Variants in DOCK4 observed in about 807,000 individuals in gnomAD.
DOCK4 encodes the protein dedicator of cytokinesis protein 4.
A neutral mutation model predicts 268.1 loss-of-function variants in DOCK4; 97 were observed. The ratio of observed to expected loss-of-function variants is 0.36; its 90% CI spans 0.31 to 0.43. The LOEUF (loss-of-function observed/expected upper bound fraction) is 0.43. Ranked by LOEUF, DOCK4 falls within the 20% of genes least tolerant of loss-of-function variation. DOCK4 has a pLI of 1.00. For synonymous variants in DOCK4, 954 were observed against 887.2 expected, an observed-to-expected ratio of 1.08 and a Z score of -1.34; for missense variants, 2,145 against 2,455.7, an observed-to-expected ratio of 0.87 and a Z score of 2.67.
chr7:112,028,884 G>A (rs1234799956), intron 1 of DOCK4, among the ~76,000 whole-genome samples: 1 of 152,078 alleles, frequency 6.6e-6, no homozygotes, highest in Non-Finnish European at 1.5e-5. Flanking sequence ...CTGCTCACAT[G>A]GTCCTGATTA....
chr7:112,188,587 C>G (rs1204251212), intron 1 of DOCK4, among the ~76,000 whole-genome samples: 1 of 152,212 alleles, frequency 6.6e-6, no homozygotes, highest in Non-Finnish European at 1.5e-5. Flanking sequence ...GCATACGTGT[C>G]TGGAACACGC....
At chr7:112,191,954 T>C (rs1043221683) in intron 1 of DOCK4, among the ~76,000 whole-genome samples, 12 of 148,352 alleles carry the variant, frequency 8.1e-5, no homozygotes, top group African/African-American at 2.7e-4. Flanking sequence ...TATATACTTA[T>C]ATAATATATA....
intron 1 of DOCK4, among the ~76,000 whole-genome samples, chr7:112,164,433 A>G (rs1032870926): frequency 5.9e-5 from 9 of 152,228 alleles, no homozygotes; most frequent in Non-Finnish European, 1.2e-4. Flanking sequence ...TAAAGTACAC[A>G]TTTTATAAAC....
chr7:112,004,508 A>G (rs1310427030), intron 1 of DOCK4, among the ~76,000 whole-genome samples: 1 of 152,136 alleles, frequency 6.6e-6, no homozygotes, highest in Admixed American at 6.6e-5. Flanking sequence ...GTTAATAAAT[A>G]TGTGTTCAAT....
intron 30 of DOCK4, among the ~76,000 whole-genome samples, chr7:111,802,734 A>C (rs1563525818): frequency 6.6e-6 from 1 of 152,194 alleles, no homozygotes; most frequent in Non-Finnish European, 1.5e-5. Flanking sequence ...TTTTCTTCAA[A>C]TTTCTTTTTA....
At chr7:112,131,935 G>C (rs561154699) in intron 1 of DOCK4, among the ~76,000 whole-genome samples, 66 of 152,214 alleles carry the variant, frequency 4.3e-4, no homozygotes, top group African/African-American at 1.5e-3. Flanking sequence ...AAATATGCAG[G>C]GTCTGGAGGC....
At chr7:111,891,068 T>C (rs1020509482) in intron 16 of DOCK4, among the ~76,000 whole-genome samples, 17 of 152,226 alleles carry the variant, frequency 1.1e-4, no homozygotes, top group African/African-American at 4.1e-4. Context: ...ACCATAAACA[T>C]TACTGTCAAG....
intron 27 of DOCK4, chr7:111,821,020 A>G (rs1156936843): frequency 6.7e-6 from 1 of 148,878 alleles, no homozygotes; most frequent in African/African-American, 2.6e-5. Context: ...AATTCTAAAG[A>G]GAGCTATTTC....
intron 43 of DOCK4, among the ~76,000 whole-genome samples, chr7:111,746,970 G>T (rs1203191560): frequency 6.6e-6 from 1 of 151,988 alleles, no homozygotes; most frequent in African/African-American, 2.4e-5. Flanking sequence ...TTTGCTTAGA[G>T]AAATTATTTT....
At chr7:111,815,610 A>C (rs1313285921) in intron 27 of DOCK4, among the ~76,000 whole-genome samples, 1 of 149,518 alleles carries the variant, frequency 6.7e-6, no homozygotes, top group Non-Finnish European at 1.5e-5. Context: ...TCATTTATTT[A>C]TTTCCTTCCT....
chr7:111,796,320 G>A (rs1799891939), intron 30 of DOCK4, among the ~76,000 whole-genome samples: 1 of 152,162 alleles, frequency 6.6e-6, no homozygotes. Context: ...AAGTCATGCA[G>A]TCCTTTCCTC....
At chr7:112,183,378 C>G (rs1037260594) in intron 1 of DOCK4, among the ~76,000 whole-genome samples, 1 of 152,090 alleles carries the variant, frequency 6.6e-6, no homozygotes, top group African/African-American at 2.4e-5. Flanking sequence ...ACTGAAAGGG[C>G]AAAAGAAATT....
chr7:111,904,830 C>T (rs993567716), intron 13 of DOCK4, among the ~76,000 whole-genome samples: 1 of 152,128 alleles, frequency 6.6e-6, no homozygotes, highest in East Asian at 1.9e-4. Flanking sequence ...AGAGACAACA[C>T]TACTTTGTTA....
At chr7:111,892,693 G>C (rs1808393908) in intron 16 of DOCK4, among the ~76,000 whole-genome samples, 1 of 152,136 alleles carries the variant, frequency 6.6e-6, no homozygotes, top group African/African-American at 2.4e-5. Context: ...CTGAATTCAA[G>C]GCCGCACAAT....
intron 1 of DOCK4, among the ~76,000 whole-genome samples, chr7:112,185,976 T>A (rs1209574937): frequency 6.6e-6 from 1 of 152,212 alleles, no homozygotes; most frequent in Non-Finnish European, 1.5e-5. Flanking sequence ...GCCCCTGCCT[T>A]CTGGAAGCAC....
At chr7:111,816,939 T>C (rs1361335090) in intron 27 of DOCK4, among the ~76,000 whole-genome samples, 1 of 152,170 alleles carries the variant, frequency 6.6e-6, no homozygotes, top group African/African-American at 2.4e-5. Flanking sequence ...TTTCAGTCAA[T>C]GGGGCACGCA....
At chr7:111,914,162 T>G (rs1301396374) in intron 13 of DOCK4, among the ~76,000 whole-genome samples, 1 of 152,142 alleles carries the variant, frequency 6.6e-6, no homozygotes, top group Non-Finnish European at 1.5e-5. Context: ...TTACAGCGTG[T>G]CTCTGCCTGT....
intron 12 of DOCK4, among the ~76,000 whole-genome samples, chr7:111,933,595 G>A (rs961978175): frequency 5.3e-5 from 8 of 151,858 alleles, no homozygotes; most frequent in Admixed American, 4.6e-4. Flanking sequence ...GCACCCAGCC[G>A]AGAATTGTAA....
chr7:111,906,833 G>A (rs565858303), intron 13 of DOCK4, among the ~76,000 whole-genome samples: 3 of 152,274 alleles, frequency 2.0e-5, no homozygotes, highest in Admixed American at 2.0e-4. Context: ...GAAAAGGCAA[G>A]GAAGTATATT....
Sources: allele counts gnomAD v4.1 joint callset (sites outside exome capture counted in the v4.1 genomes callset), GRCh38; gene constraint gnomAD v4.1.1; transcripts MANE v1.5; gene names NCBI Gene and HGNC (gene_info 2026-07-23, HGNC 2026-07-21).